CNTN1: variants seen among roughly 807,000 people sequenced by gnomAD.
The protein encoded by CNTN1 is contactin 1.
In CNTN1, 38 loss-of-function variants were observed where a neutral mutation model predicts 126.4. The ratio of observed to expected loss-of-function variants is 0.30; its 90% CI spans 0.23 to 0.39. CNTN1 has a LOEUF of 0.39. Among genes scored for constraint, CNTN1 ranks in the 10% least tolerant of loss-of-function variants. CNTN1 has a pLI of 1.00. For synonymous variants in CNTN1, 413 were observed against 422.6 expected (o/e 0.98, Z 0.28); for missense variants, 1,009 against 1,248.4 (o/e 0.81, Z 2.89).
intron 23 of CNTN1, among the ~76,000 whole-genome samples, chr12:41,063,126 T>C (rs1396396556): frequency 6.6e-6 from 1 of 152,234 alleles, no homozygotes; most frequent in Non-Finnish European, 1.5e-5. Flanking sequence ...TGCACCTACC[T>C]TGACTGCGTC....
At chr12:40,984,850 G>A (rs1041961318) in intron 16 of CNTN1, among the ~76,000 whole-genome samples, 8 of 151,872 alleles carry the variant, frequency 5.3e-5, no homozygotes, top group Admixed American at 2.0e-4. Context: ...ATATATAAAT[G>A]CACAACATAT....
At chr12:40,780,968 G>A (rs1023722118) in intron 1 of CNTN1, among the ~76,000 whole-genome samples, 43 of 151,360 alleles carry the variant, frequency 2.8e-4, no homozygotes, top group African/African-American at 9.0e-4. Flanking sequence ...AATGCATCAG[G>A]CTTTCTTTTA....
intron 1 of CNTN1, among the ~76,000 whole-genome samples, chr12:40,749,306 T>C (rs948218902): frequency 1.3e-5 from 2 of 152,128 alleles, no homozygotes; most frequent in African/African-American, 4.8e-5. Context: ...AGCCTATACC[T>C]CTATTGTCCA....
chr12:40,786,726 G>A (rs1258048531), intron 1 of CNTN1, among the ~76,000 whole-genome samples: 3 of 152,106 alleles, frequency 2.0e-5, no homozygotes, highest in Non-Finnish European at 2.9e-5. Context: ...AGAAACAAGG[G>A]AAAGCATCAG....
At chr12:40,897,553 T>C (rs1367230309) in intron 1 of CNTN1, among the ~76,000 whole-genome samples, 3 of 152,222 alleles carry the variant, frequency 2.0e-5, no homozygotes, top group African/African-American at 7.2e-5. Flanking sequence ...TTCCTTTAGA[T>C]ACCAGTTTTT....
chr12:40,998,069 T>C (rs1592379382), intron 17 of CNTN1, among the ~76,000 whole-genome samples: 1 of 151,428 alleles, frequency 6.6e-6, no homozygotes, highest in Non-Finnish European at 1.5e-5. Flanking sequence ...TTGAGGATGA[T>C]GAAAAAAAAA....
intron 23 of CNTN1, among the ~76,000 whole-genome samples, chr12:41,066,679 G>A (rs892694688): frequency 2.6e-5 from 4 of 152,142 alleles, no homozygotes; most frequent in Non-Finnish European, 4.4e-5. Context: ...CCAGATTGAA[G>A]AATCAGAAAG....
At chr12:40,801,185 G>A (rs776169526) in intron 1 of CNTN1, among the ~76,000 whole-genome samples, 1 of 151,872 alleles carries the variant, frequency 6.6e-6, no homozygotes, top group Admixed American at 6.6e-5. Flanking sequence ...GTTCTAGATG[G>A]TCAACTCCAT....
chr12:40,723,919 C>T (rs1942284107), intron 1 of CNTN1, among the ~76,000 whole-genome samples: 1 of 152,094 alleles, frequency 6.6e-6, no homozygotes, highest in African/African-American at 2.4e-5. Context: ...ACTGCCTGGG[C>T]CTCTCCTTCC....
At chr12:40,739,697 A>G (rs1427047475) in intron 1 of CNTN1, among the ~76,000 whole-genome samples, 2 of 152,076 alleles carry the variant, frequency 1.3e-5, no homozygotes, top group Non-Finnish European at 2.9e-5. Flanking sequence ...GTCAAATGCT[A>G]GAGTTTGACA....
intron 23 of CNTN1, among the ~76,000 whole-genome samples, chr12:41,066,335 T>C (rs763890289): frequency 5.9e-5 from 9 of 152,126 alleles, no homozygotes; most frequent in Non-Finnish European, 1.2e-4. Context: ...AAAAGAAATA[T>C]CAGGGGTCAC....
chr12:40,945,002 A>C (rs1477780608), intron 14 of CNTN1, among the ~76,000 whole-genome samples: 1 of 152,118 alleles, frequency 6.6e-6, no homozygotes, highest in Non-Finnish European at 1.5e-5. Flanking sequence ...AGGATTGTTT[A>C]AGTCCCATAA....
At chr12:40,718,636 C>T (rs1028177048) in intron 1 of CNTN1, among the ~76,000 whole-genome samples, 6 of 152,112 alleles carry the variant, frequency 3.9e-5, no homozygotes, top group African/African-American at 1.4e-4. Flanking sequence ...GTTCTAAAAC[C>T]CATCATGTTG....
intron 1 of CNTN1, among the ~76,000 whole-genome samples, chr12:40,846,350 C>G (rs1026087641): frequency 6.6e-6 from 1 of 152,172 alleles, no homozygotes; most frequent in Admixed American, 6.5e-5. Flanking sequence ...CGCCTGCAGT[C>G]CCAGCTATTC....
intron 1 of CNTN1, among the ~76,000 whole-genome samples, chr12:40,695,700 T>C (rs1175982020): frequency 1.3e-5 from 2 of 152,168 alleles, no homozygotes; most frequent in African/African-American, 4.8e-5. Context: ...ATTTTCCATA[T>C]TGTCCATCTT....
chr12:40,923,014 T>C (rs191830963), intron 5 of CNTN1, among the ~76,000 whole-genome samples: 1 of 142,756 alleles, frequency 7.0e-6, no homozygotes, highest in Non-Finnish European at 1.5e-5. Flanking sequence ...CAACAAGCCA[T>C]GTATTATCAA....
intron 1 of CNTN1, among the ~76,000 whole-genome samples, chr12:40,905,251 G>A (rs983332179): frequency 1.4e-4 from 21 of 152,194 alleles, no homozygotes; most frequent in Admixed American, 1.3e-3. Flanking sequence ...TGCTGTATGT[G>A]GACACAACTA....
chr12:40,885,013 G>C (rs978026817), intron 1 of CNTN1, among the ~76,000 whole-genome samples: 5 of 151,782 alleles, frequency 3.3e-5, no homozygotes, highest in Non-Finnish European at 7.4e-5. Flanking sequence ...TATGAAGTGA[G>C]ATTAGAATGC....
At chr12:40,892,374 C>G (rs2136733422) in intron 1 of CNTN1, among the ~76,000 whole-genome samples, 1 of 152,076 alleles carries the variant, frequency 6.6e-6, no homozygotes, top group South Asian at 2.1e-4. Context: ...TATGTGTATT[C>G]CAGATGAATC....
Sources: gnomAD v4.1 joint callset for allele counts (sites outside exome capture counted in the v4.1 genomes callset) on GRCh38, gnomAD v4.1.1 for gene constraint, MANE v1.5 for transcripts, NCBI Gene and HGNC (gene_info 2026-07-23, HGNC 2026-07-21) for gene names.